Variants in EPHB2 observed in about 807,000 individuals in gnomAD.
The protein encoded by EPHB2 is EPH receptor B2.
Under a neutral mutation model 96.4 loss-of-function variants are expected in EPHB2, and 18 were observed. The ratio of observed to expected loss-of-function variants is 0.19; its 90% confidence interval spans 0.13 to 0.28. The LOEUF is 0.28. Among genes scored for constraint, EPHB2 ranks in the 10% least tolerant of loss-of-function variants. The pLI, the probability that EPHB2 is intolerant of heterozygous loss-of-function variation, is 1.00. For missense variants in EPHB2, 989 were observed against 1,355.4 expected (o/e 0.73, Z 4.25); for synonymous variants, 506 against 534.1 (o/e 0.95, Z 0.72).
chr1:22,861,750 A>G, intron 3 of EPHB2, among the ~76,000 whole-genome samples: 1 of 152,160 alleles, frequency 6.6e-6, no homozygotes, highest in Non-Finnish European at 1.5e-5. Flanking sequence ...GTTTGCTAAG[A>G]CTTGGACTGG....
At chr1:22,821,762 A>G (rs1351663154) in intron 3 of EPHB2, among the ~76,000 whole-genome samples, 1 of 152,204 alleles carries the variant, frequency 6.6e-6, no homozygotes, top group Non-Finnish European at 1.5e-5. Context: ...TCTGTTCCCA[A>G]CATGGATACA....
intron 1 of EPHB2, among the ~76,000 whole-genome samples, chr1:22,777,634 A>G (rs747035438): frequency 2.4e-4 from 37 of 152,330 alleles, no homozygotes; most frequent in Admixed American, 3.9e-4. Context: ...AGGGCACCCC[A>G]GGGAAAGCAG....
In EPHB2 at chr1:22,910,487, C is replaced by A. The variant is rs1353409966; in HGVS notation, c.2608C>A (p.Arg870=). ...CTGTTGGCAGAAGGACCGCAACCACCGGCCCAAGTTCGGCCAAATTGTCAA... is the reference window on the plus strand; with the variant it reads ...CTGTTGGCAGAAGGACCGCAACCACAGGCCCAAGTTCGGCCAAATTGTCAA... ...LDCWQKDRNH[R]PKFGQIVNTL... is the part of the protein sequence containing the mutation. Residue 870 remains arginine (R), a synonymous_variant, in exon 14 of 16, where the codon CGG becomes AGG. Transcript: ENST00000374630. 1.2e-6 allele frequency: 2 copies of A among 1,612,740 alleles called. No homozygotes were observed. Among genetic ancestry groups the A allele is most frequent in the African/African-American group, 2.7e-5 (2 of 73,634 alleles).
In EPHB2 at chr1:22,909,081, C is replaced by G. The variant is rs370226176; in HGVS notation, c.2412C>G (p.Thr804=). The G allele has an allele frequency of 6.2e-7, 1 of 1,614,088 alleles. No individual in the cohort carries two copies. Among genetic ancestry groups the G allele is most frequent in the Non-Finnish European group, 8.5e-7 (1 of 1,180,040 alleles). ...AAGCCATCCAGTACCGGAAGTTCAC[C>G]TCGGCCAGTGATGTGTGGAGCTACG... ...APEAIQYRKF[T]SASDVWSYGI... The change falls in exon 13 of 16, where the codon ACC becomes ACG. Residue 804 remains threonine (T), a synonymous_variant. Coordinates refer to ENST00000374630, the MANE Select transcript of EPHB2 (RefSeq NM_017449.5).
At chr1:22,725,412 G>A (rs1488290923) in intron 1 of EPHB2, among the ~76,000 whole-genome samples, 1 of 152,088 alleles carries the variant, frequency 6.6e-6, no homozygotes, top group Non-Finnish European at 1.5e-5. Flanking sequence ...GACAATGGCA[G>A]GATGATTGCC....
chr1:22,835,521 CATTTT>C (rs1395876481), intron 3 of EPHB2, among the ~76,000 whole-genome samples: 3 of 152,216 alleles, frequency 2.0e-5, no homozygotes, highest in African/African-American at 7.2e-5. Flanking sequence ...CATGTAAGCA[CATTTT>C]ATGCACGAGT....
intron 9 of EPHB2, among the ~76,000 whole-genome samples, 154 bp from the exon 10 acceptor site, chr1:22,905,833 C>T (rs1257803261): frequency 6.6e-6 from 1 of 152,174 alleles, no homozygotes; most frequent in African/African-American, 2.4e-5. Flanking sequence ...CTCAGTAAGC[C>T]CCAGAGAGGT....
chr1:22,788,758 T>TG (rs1491434798), intron 3 of EPHB2, among the ~76,000 whole-genome samples: 46 of 49,576 alleles, frequency 9.3e-4, no homozygotes, highest in East Asian at 1.5e-3. Flanking sequence ...TTTTTGTTTT[T>TG]TTTTTTTTTT....
At chr1:22,802,149 G>A (rs1271417379) in intron 3 of EPHB2, among the ~76,000 whole-genome samples, 2 of 152,130 alleles carry the variant, frequency 1.3e-5, no homozygotes, top group African/African-American at 4.8e-5. Flanking sequence ...TCCAGCTTGG[G>A]GAAGAGAAGA....
chr1:22,787,450 C>T (rs1375991087), intron 3 of EPHB2, among the ~76,000 whole-genome samples: 2 of 152,112 alleles, frequency 1.3e-5, no homozygotes, highest in East Asian at 3.9e-4. Context: ...CCTATTGCTG[C>T]ATAAAAAACA....
At chr1:22,738,797 T>G (rs1292737090) in intron 1 of EPHB2, among the ~76,000 whole-genome samples, 2 of 152,148 alleles carry the variant, frequency 1.3e-5, no homozygotes, top group Non-Finnish European at 2.9e-5. Flanking sequence ...ACCTTGAGGT[T>G]GGCATTGGCA....
chr1:22,892,696 T>C, intron 6 of EPHB2, 188 bp from the exon 7 acceptor site: 3 of 794,156 alleles, frequency 3.8e-6, no homozygotes, highest in Admixed American at 1.7e-5. Context: ...CTGCCTACCT[T>C]TGTGGGCAGT....
intron 13 of EPHB2, among the ~76,000 whole-genome samples, chr1:22,910,099 G>A (rs1156775662): frequency 6.6e-6 from 1 of 152,132 alleles, no homozygotes; most frequent in Non-Finnish European, 1.5e-5. Flanking sequence ...AGGCACAGGA[G>A]GATCATCTTG....
At chr1:22,753,292 G>T (rs888364920) in intron 1 of EPHB2, among the ~76,000 whole-genome samples, 18 of 152,126 alleles carry the variant, frequency 1.2e-4, no homozygotes, top group African/African-American at 4.1e-4. Flanking sequence ...GTAAAATGGG[G>T]GTCCCTTACC....
At chr1:22,716,337 C>CT (rs1022101056) in intron 1 of EPHB2, among the ~76,000 whole-genome samples, 1,848 of 147,136 alleles carry the variant, frequency 0.013, 38 homozygotes, top group African/African-American at 0.041. Flanking sequence ...GGGACAGGTT[C>CT]TTTTTTTTTT....
At position 22,860,986 on chromosome 1, in the gene EPHB2, C is replaced by G. The variant is rs1638225866; in HGVS notation, c.812-2051C>G. Among the ~76,000 whole-genome samples, 2 of 152,190 alleles carry G rather than the reference C, an allele frequency of 1.3e-5. No individual in the cohort carries two copies. The highest frequency in any genetic ancestry group is 2.9e-5 in the Non-Finnish European group (2 of 68,034). ...CCCAGTGCAGTAATCCTCATGATTACTTTATGTGGTAGATGCTCTTACCAA... is the reference window on the plus strand; with the variant it reads ...CCCAGTGCAGTAATCCTCATGATTAGTTTATGTGGTAGATGCTCTTACCAA... On this transcript the variant is annotated intron_variant, in intron 3 of 15. Transcript: ENST00000374630. The surrounding 1 kb of genome is among the most constrained non-coding windows in gnomAD (Gnocchi z 4.6).
Position 22,919,260 on chromosome 1 carries a change from C to T in EPHB2, c.*5690C>T, listed in dbSNP as rs962968932. The T allele has an allele frequency of 6.6e-6, 1 of 152,254 alleles. No individual in the cohort carries two copies. Among genetic ancestry groups the T allele is most frequent in the Admixed American group, 6.5e-5 (1 of 15,288 alleles). 9.4% of individuals were successfully genotyped at this position (152,254 alleles called of 1,614,324 possible). A position where few individuals can be genotyped will look rare whatever the true frequency, so the allele number is the denominator to read the frequency against. On this transcript the variant is annotated 3_prime_UTR_variant, in exon 16 of 16. Transcript: ENST00000374630. ...AGCAGGACATTTTCAGATAGGATGC[C>T]CAAACCCAGACGCAGATTAGGACCC...
chr1:22,715,093 A>G (rs535118415), intron 1 of EPHB2, among the ~76,000 whole-genome samples: 1 of 152,236 alleles, frequency 6.6e-6, no homozygotes, highest in Admixed American at 6.5e-5. Context: ...CAGTAACGGA[A>G]TGACATTGTC....
At chr1:22,741,103 G>A (rs1643896207) in intron 1 of EPHB2, among the ~76,000 whole-genome samples, 1 of 152,158 alleles carries the variant, frequency 6.6e-6, no homozygotes, top group Non-Finnish European at 1.5e-5. Flanking sequence ...TTCCTATGGG[G>A]CACTGGCTTT....
Sources: gnomAD v4.1 joint callset for allele counts (sites outside exome capture counted in the v4.1 genomes callset) on GRCh38, gnomAD v4.1.1 for gene constraint, Gnocchi (gnomAD v3.1) non-coding constraint, MANE v1.5 for transcripts, NCBI Gene and HGNC (gene_info 2026-07-23, HGNC 2026-07-21) for gene names.